PHACTR1: variants seen among roughly 807,000 people sequenced by gnomAD.
The protein encoded by PHACTR1 is phosphatase and actin regulator 1.
Under a neutral mutation model 69.2 loss-of-function variants are expected in PHACTR1, and 16 were observed. That is an observed-to-expected ratio of 0.23 (90% CI 0.16 to 0.35). PHACTR1 has a LOEUF of 0.35. Among genes scored for constraint, PHACTR1 ranks in the 10% least tolerant of loss-of-function variants. The pLI, the probability that PHACTR1 is intolerant of heterozygous loss-of-function variation, is 1.00. For missense variants in PHACTR1, 510 were observed against 734.7 expected (o/e 0.69, Z 3.54); for synonymous variants, 312 against 284.5 (o/e 1.10, Z -0.97).
chr6:13,196,749 G>T (rs557194353), intron 7 of PHACTR1, among the ~76,000 whole-genome samples: 1 of 152,270 alleles, frequency 6.6e-6, no homozygotes, highest in South Asian at 2.1e-4. Flanking sequence ...CCGATGTAGT[G>T]CGGTGTGCAT....
intron 3 of PHACTR1, among the ~76,000 whole-genome samples, chr6:12,720,457 G>A (rs1472355457): frequency 6.6e-6 from 1 of 152,182 alleles, no homozygotes; most frequent in Non-Finnish European, 1.5e-5. Context: ...GGCTCGGGAG[G>A]ACTCAAGGCA....
intron 4 of PHACTR1, among the ~76,000 whole-genome samples, chr6:12,946,975 AC>A (rs951776311): frequency 3.3e-5 from 5 of 151,746 alleles, no homozygotes; most frequent in African/African-American, 1.2e-4. Context: ...ACCACGGCTG[AC>A]TAATTTTTGT....
intron 4 of PHACTR1, among the ~76,000 whole-genome samples, chr6:12,938,006 A>G (rs555894172): frequency 2.0e-5 from 3 of 152,260 alleles, no homozygotes; most frequent in African/African-American, 7.2e-5. Flanking sequence ...AGGCTGATGC[A>G]TGAGAATTAC....
chr6:12,950,474 G>C (rs1302899615), intron 4 of PHACTR1, among the ~76,000 whole-genome samples: 1 of 152,222 alleles, frequency 6.6e-6, no homozygotes, highest in Non-Finnish European at 1.5e-5. Flanking sequence ...GATTCTAGAA[G>C]ACCACATAGG....
At chr6:12,876,265 T>C (rs1768476935) in intron 4 of PHACTR1, among the ~76,000 whole-genome samples, 1 of 152,206 alleles carries the variant, frequency 6.6e-6, no homozygotes, top group African/African-American at 2.4e-5. Context: ...CTGCTTACGA[T>C]GTGCCTGAGA....
intron 9 of PHACTR1, among the ~76,000 whole-genome samples, chr6:13,229,428 G>A (rs891262810): frequency 2.6e-5 from 4 of 152,078 alleles, no homozygotes; most frequent in Non-Finnish European, 5.9e-5. Flanking sequence ...GAAATGCTGG[G>A]GTTGAAAAGA....
At chr6:13,137,437 T>A (rs563938220) in intron 5 of PHACTR1, among the ~76,000 whole-genome samples, 1 of 152,380 alleles carries the variant, frequency 6.6e-6, no homozygotes, top group South Asian at 2.1e-4. Context: ...AATAAATGAA[T>A]AACTGAACTG....
At chr6:12,884,710 T>G (rs1275178250) in intron 4 of PHACTR1, among the ~76,000 whole-genome samples, 1 of 152,106 alleles carries the variant, frequency 6.6e-6, no homozygotes, top group African/African-American at 2.4e-5. Context: ...CTTTGGAATT[T>G]TGTATGCGTC....
intron 4 of PHACTR1, among the ~76,000 whole-genome samples, chr6:13,047,285 T>C (rs888458264): frequency 6.9e-6 from 1 of 145,290 alleles, no homozygotes; most frequent in African/African-American, 2.6e-5. Context: ...GGCTGAGGCA[T>C]GAGAATGGCT....
chr6:13,108,235 G>T (rs1050507620), intron 5 of PHACTR1, among the ~76,000 whole-genome samples: 2 of 152,014 alleles, frequency 1.3e-5, no homozygotes, highest in Non-Finnish European at 2.9e-5. Context: ...TGCAGTCATA[G>T]AACATATTCC....
rs552791388 is a variant in PHACTR1, at chr6:12,991,191, C to T, written c.251-62174C>T. Among the ~76,000 whole-genome samples the T allele has an allele frequency of 2.0e-5, 3 of 152,284 alleles. No homozygotes were observed. The South Asian group carries it at 6.2e-4, about 32-fold the overall frequency. On this transcript the variant is annotated intron_variant, in intron 4 of 14. Coordinates refer to ENST00000332995, the MANE Select transcript of PHACTR1 (RefSeq NM_030948.6). ...CCCTTGTTCCAGGAGGGTAGGCTGC[C>T]AAGCAGTTTACCCTGCTGACCAGGA...
chr6:13,154,890 G>A (rs1757946875), intron 5 of PHACTR1, among the ~76,000 whole-genome samples: 1 of 151,866 alleles, frequency 6.6e-6, no homozygotes, highest in Non-Finnish European at 1.5e-5. Context: ...TATTGAGGAA[G>A]GAGGGTCAGA....
At position 12,870,598 on chromosome 6, in the gene PHACTR1, ATATAATTGCACATC is replaced by A. The variant is rs1209526827; in HGVS notation, c.250+120822_250+120835del. On this transcript the variant is annotated intron_variant, in intron 4 of 14. Coordinates refer to ENST00000332995, the MANE Select transcript of PHACTR1 (RefSeq NM_030948.6). ...GGCACATCTATAATTGCACATATAC[ATATAATTGCACATC>A]TATAATTGCACATATACAGATACAC... 1.2e-3 allele frequency among the ~76,000 whole-genome samples: 183 copies of A among 152,228 alleles called. 1 individual carries two copies. Among genetic ancestry groups the A allele is most frequent in the African/African-American group, 4.1e-3 (169 of 41,470 alleles).
chr6:12,790,057 A>T (rs1309028633), intron 4 of PHACTR1, among the ~76,000 whole-genome samples: 13 of 152,202 alleles, frequency 8.5e-5, no homozygotes, highest in Admixed American at 3.9e-4. Context: ...CCTCTGAATA[A>T]GTCCCTGTTT....
intron 4 of PHACTR1, among the ~76,000 whole-genome samples, chr6:12,898,069 C>G (rs1031270641): frequency 6.6e-6 from 1 of 152,112 alleles, no homozygotes; most frequent in South Asian, 2.1e-4. Context: ...ACTGAACTTC[C>G]GGGGCAGCAT....
chr6:13,202,632 C>G (rs1481874425), intron 7 of PHACTR1, among the ~76,000 whole-genome samples: 3 of 152,190 alleles, frequency 2.0e-5, no homozygotes, highest in African/African-American at 7.2e-5. Context: ...CACCTGCCAC[C>G]ACACCCAGCT....
intron 4 of PHACTR1, among the ~76,000 whole-genome samples, chr6:12,837,294 T>C (rs1001611212): frequency 6.6e-6 from 1 of 152,210 alleles, no homozygotes; most frequent in African/African-American, 2.4e-5. Flanking sequence ...CTGTGTAATA[T>C]TGCTAGAGAT....
At chr6:12,782,915 G>T (rs527877776) in intron 4 of PHACTR1, among the ~76,000 whole-genome samples, 2 of 152,102 alleles carry the variant, frequency 1.3e-5, no homozygotes, top group South Asian at 2.1e-4. Context: ...ATTTAGAGGG[G>T]CAAAAAAAGG....
At chr6:12,975,612 A>T (rs1280785541) in intron 4 of PHACTR1, among the ~76,000 whole-genome samples, 1 of 152,096 alleles carries the variant, frequency 6.6e-6, no homozygotes, top group African/African-American at 2.4e-5. Flanking sequence ...ACAGGGTCTC[A>T]CTCCGTCACC....
Sources: allele counts gnomAD v4.1 joint callset (sites outside exome capture counted in the v4.1 genomes callset), GRCh38; gene constraint gnomAD v4.1.1; transcripts MANE v1.5; gene names NCBI Gene and HGNC (gene_info 2026-07-23, HGNC 2026-07-21).